The following KCNH7 variants were observed in gnomAD, a reference collection of about 807,000 sequenced individuals.
The protein encoded by KCNH7 is voltage-gated inwardly rectifying potassium channel KCNH7.
A neutral mutation model predicts 120.8 loss-of-function variants in KCNH7; 49 were observed. The observed-to-expected ratio is 0.41, with a 90% confidence interval of 0.32 to 0.51. The LOEUF (loss-of-function observed/expected upper bound fraction) is 0.51, where lower values mean the gene tolerates loss of function less well. KCNH7 is among the 20% of genes least tolerant of loss of function. The pLI is 0.38. For synonymous variants in KCNH7, 547 were observed against 516.1 expected (o/e 1.06, Z -0.81); for missense variants, 1,097 against 1,446.6 (o/e 0.76, Z 3.92).
chr2:162,545,061 A>G (rs7578075), intron 2 of KCNH7, among the ~76,000 whole-genome samples: 2,407 of 152,254 alleles, frequency 0.016, 61 homozygotes, highest in East Asian at 0.096. Flanking sequence ...AATTTTCTCA[A>G]CTAAGTAGCA....
intron 12 of KCNH7, among the ~76,000 whole-genome samples, chr2:162,391,049 ATCCAGGACT>A (rs1686731016): frequency 6.6e-6 from 1 of 151,886 alleles, no homozygotes; most frequent in African/African-American, 2.4e-5. Context: ...GGGAGTGGCA[ATCCAGGACT>A]CAACCTCTGT....
chr2:162,752,238 T>C (rs115956705), intron 2 of KCNH7, among the ~76,000 whole-genome samples: 403 of 152,254 alleles, frequency 2.6e-3, no homozygotes, highest in African/African-American at 9.3e-3. Context: ...AGTGGGTCCA[T>C]TAATTTGGAA....
At chr2:162,565,098 T>C (rs1320787718) in intron 2 of KCNH7, among the ~76,000 whole-genome samples, 1 of 152,138 alleles carries the variant, frequency 6.6e-6, no homozygotes, top group Non-Finnish European at 1.5e-5. Flanking sequence ...GGGGCTTCAA[T>C]ATGTCTATCT....
chr2:162,659,495 C>T (rs1371507457), intron 2 of KCNH7, among the ~76,000 whole-genome samples: 1 of 152,186 alleles, frequency 6.6e-6, no homozygotes, highest in Non-Finnish European at 1.5e-5. Context: ...GCATGCGCCA[C>T]CACACCTGGC....
intron 2 of KCNH7, among the ~76,000 whole-genome samples, chr2:162,789,326 A>G (rs1051064112): frequency 6.6e-6 from 1 of 152,088 alleles, no homozygotes; most frequent in Non-Finnish European, 1.5e-5. Context: ...GCTAATAGAT[A>G]TACAATATCT....
At chr2:162,697,652 A>G (rs1223675056) in intron 2 of KCNH7, among the ~76,000 whole-genome samples, 2 of 152,102 alleles carry the variant, frequency 1.3e-5, no homozygotes, top group Non-Finnish European at 2.9e-5. Flanking sequence ...CAACCTAGGT[A>G]GAGATAGAAG....
chr2:162,674,439 A>G (rs1685467470), intron 2 of KCNH7, among the ~76,000 whole-genome samples: 1 of 151,780 alleles, frequency 6.6e-6, no homozygotes, highest in African/African-American at 2.4e-5. Flanking sequence ...TGAACCACAG[A>G]TCCATGTAAG....
At chr2:162,752,815 C>T (rs188490503) in intron 2 of KCNH7, among the ~76,000 whole-genome samples, 1 of 150,190 alleles carries the variant, frequency 6.7e-6, no homozygotes. Context: ...CAAGGAGAAT[C>T]ACTTGAACCC....
At chr2:162,777,044 A>G (rs1052696968) in intron 2 of KCNH7, among the ~76,000 whole-genome samples, 1 of 152,126 alleles carries the variant, frequency 6.6e-6, no homozygotes, top group Non-Finnish European at 1.5e-5. Flanking sequence ...CTAGTACATA[A>G]AGGCTGTGAT....
chr2:162,771,417 G>T (rs529438319), intron 2 of KCNH7, among the ~76,000 whole-genome samples: 5 of 151,910 alleles, frequency 3.3e-5, no homozygotes, highest in Non-Finnish European at 7.4e-5. Context: ...CCAACTTCTA[G>T]ATGTCAAATA....
At chr2:162,711,530 A>T (rs1559094467) in intron 2 of KCNH7, among the ~76,000 whole-genome samples, 1 of 152,254 alleles carries the variant, frequency 6.6e-6, no homozygotes, top group Non-Finnish European at 1.5e-5. Flanking sequence ...ATTTTCAGTA[A>T]TAGATTTCAA....
chr2:162,371,896 G>A lies in KCNH7; in HGVS notation c.3524C>T (p.Ser1175Phe). Residue 1175 changes from serine (S) to phenylalanine (F), a missense_variant, in exon 16 of 16, where the codon TCC becomes TTC. Ser to Phe is a radical substitution (Grantham distance 155). This residue lies in a region of KCNH7 where 406 missense variants were observed against 410.5 expected (regional missense o/e 0.99). Coordinates refer to ENST00000332142, the MANE Select transcript of KCNH7 (RefSeq NM_033272.4). ...PIRHPSLPDS[S>F]LSTVGIVGLH... ...ACCCACGATTCCTACAGTGCTTAGG[G>A]ATGAATCTGGCAAAGAAGGATGCCT... 6.2e-7 allele frequency: 1 copy of A among 1,613,704 alleles called. No homozygotes were observed. Among genetic ancestry groups the A allele is most frequent in the Non-Finnish European group, 8.5e-7 (1 of 1,179,708 alleles).
At chr2:162,685,972 A>C (rs1574265234) in intron 2 of KCNH7, among the ~76,000 whole-genome samples, 1 of 152,222 alleles carries the variant, frequency 6.6e-6, no homozygotes, top group East Asian at 1.9e-4. Flanking sequence ...CTAAAACGAG[A>C]AACAGTTATT....
intron 2 of KCNH7, among the ~76,000 whole-genome samples, chr2:162,643,823 A>G (rs1262851172): frequency 5.3e-5 from 8 of 151,228 alleles, no homozygotes; most frequent in South Asian, 2.1e-4. Context: ...AAAAAAAAAA[A>G]AAAAAGAAGA....
At chr2:162,590,896 A>G (rs1323958915) in intron 2 of KCNH7, among the ~76,000 whole-genome samples, 1 of 152,122 alleles carries the variant, frequency 6.6e-6, no homozygotes, top group Admixed American at 6.6e-5. Context: ...TTCCCAATAT[A>G]CTAAGAATAA....
intron 6 of KCNH7, among the ~76,000 whole-genome samples, chr2:162,473,590 A>G (rs1355420336): frequency 6.6e-6 from 1 of 152,212 alleles, no homozygotes; most frequent in Admixed American, 6.5e-5. Flanking sequence ...AAAAACTCCC[A>G]AATCATTTAT....
intron 3 of KCNH7, among the ~76,000 whole-genome samples, chr2:162,535,112 C>T (rs963662958): frequency 6.6e-6 from 1 of 151,704 alleles, no homozygotes; most frequent in Non-Finnish European, 1.5e-5. Context: ...TACAACTCAA[C>T]TCACATGTCA....
intron 6 of KCNH7, among the ~76,000 whole-genome samples, chr2:162,499,992 CT>C (rs1301805944): frequency 1.3e-5 from 2 of 151,958 alleles, no homozygotes; most frequent in African/African-American, 4.8e-5. Flanking sequence ...TAGAAAAATA[CT>C]TTACATTGCA....
chr2:162,478,535 A>G (rs1233466190), intron 6 of KCNH7, among the ~76,000 whole-genome samples: 1 of 152,136 alleles, frequency 6.6e-6, no homozygotes, highest in African/African-American at 2.4e-5. Flanking sequence ...TTTGTCTATA[A>G]TCTTATAGGC....
Sources: allele counts gnomAD v4.1 joint callset (sites outside exome capture counted in the v4.1 genomes callset), GRCh38; gene constraint gnomAD v4.1.1; regional missense constraint gnomAD v4.1.1; transcripts MANE v1.5; gene names NCBI Gene and HGNC (gene_info 2026-07-23, HGNC 2026-07-21).